CSMD1: variants seen among roughly 807,000 people sequenced by gnomAD.
CSMD1 encodes CUB and sushi domain-containing protein 1.
In CSMD1, 213 loss-of-function variants were observed where a neutral mutation model predicts 417.5. The observed-to-expected ratio is 0.51, with a 90% CI of 0.46 to 0.57. CSMD1 has a LOEUF of 0.57. CSMD1 is among the 20% of genes least tolerant of loss of function. The probability of loss-of-function intolerance (pLI) is 0.00; values close to 1 mark genes in which losing one functional copy is unlikely to be tolerated. For missense variants in CSMD1, 6,923 were observed against 4,529.7 expected, an observed-to-expected ratio of 1.53 and a Z score of -15.17; for synonymous variants, 2,862 against 1,736.8, an observed-to-expected ratio of 1.65 and a Z score of -16.11.
At chr8:4,216,999 T>A (rs1440158605) in intron 3 of CSMD1, among the ~76,000 whole-genome samples, 3 of 152,186 alleles carry the variant, frequency 2.0e-5, no homozygotes, top group Non-Finnish European at 4.4e-5. Context: ...CTTCTCTAAC[T>A]AGAATTGTCT....
chr8:3,628,057 A>G (rs899672663), intron 7 of CSMD1, among the ~76,000 whole-genome samples: 3 of 152,254 alleles, frequency 2.0e-5, no homozygotes, highest in Admixed American at 1.3e-4. Flanking sequence ...ATTAAAAAAC[A>G]GAACGTGGTG....
chr8:3,820,882 A>G (rs765404397), intron 5 of CSMD1, among the ~76,000 whole-genome samples: 3 of 151,760 alleles, frequency 2.0e-5, no homozygotes, highest in Non-Finnish European at 4.4e-5. Flanking sequence ...CTTCTTCGGA[A>G]TACCTCCTTA....
Position 2,999,972 on chromosome 8 carries a change from G to C in CSMD1, c.8189C>G (p.Thr2730Arg). 1.2e-6 allele frequency: 2 copies of C among 1,608,986 alleles called. No individual in the cohort carries two copies. The highest frequency in any genetic ancestry group is 8.5e-7 in the Non-Finnish European group (1 of 1,178,410). The change falls in exon 53 of 70, where the codon ACG becomes AGG. Residue 2730 changes from threonine to arginine, a missense_variant. Transcript: ENST00000635120. The part of the protein sequence containing the change: ...CLQDHKWSGQ[T>R]PVCVPITCGH... ...AGTGCACTTACGGACACAGACAGGC[G>C]TTTGTCCAGACCACTTGTGGTCTTG...
intron 3 of CSMD1, among the ~76,000 whole-genome samples, chr8:4,176,343 A>T (rs955684184): frequency 6.6e-6 from 1 of 152,112 alleles, no homozygotes; most frequent in Non-Finnish European, 1.5e-5. Context: ...TTTTAAATTG[A>T]AAATAAATTA....
intron 5 of CSMD1, among the ~76,000 whole-genome samples, chr8:3,812,144 A>G (rs1358753092): frequency 6.6e-6 from 1 of 152,248 alleles, no homozygotes; most frequent in Non-Finnish European, 1.5e-5. Context: ...ATTCATATTC[A>G]CATGACAATT....
intron 1 of CSMD1, among the ~76,000 whole-genome samples, chr8:4,803,182 A>G (rs926271020): frequency 2.6e-4 from 39 of 152,194 alleles, no homozygotes; most frequent in African/African-American, 8.9e-4. Context: ...ATATTCTTTA[A>G]GTTGATCCTG....
intron 3 of CSMD1, among the ~76,000 whole-genome samples, chr8:4,394,145 G>C (rs1485110406): frequency 6.6e-6 from 1 of 152,132 alleles, no homozygotes; most frequent in Non-Finnish European, 1.5e-5. Context: ...ATTATTGAGA[G>C]CTTATTCATT....
At chr8:2,957,539 G>A (rs1803104845) in intron 63 of CSMD1, among the ~76,000 whole-genome samples, 157 bp downstream of exon 63, 1 of 152,144 alleles carries the variant, frequency 6.6e-6, no homozygotes, top group African/African-American at 2.4e-5. Flanking sequence ...CAATGGTTAT[G>A]CTGCCAGTTC....
At chr8:4,806,554 C>A (rs1422914999) in intron 1 of CSMD1, among the ~76,000 whole-genome samples, 1 of 152,196 alleles carries the variant, frequency 6.6e-6, no homozygotes, top group Non-Finnish European at 1.5e-5. Context: ...AGCATATTAA[C>A]AAAGAGAGAA....
chr8:3,464,902 C>G (rs1816711929), intron 12 of CSMD1, among the ~76,000 whole-genome samples: 1 of 152,096 alleles, frequency 6.6e-6, no homozygotes, highest in Non-Finnish European at 1.5e-5. Flanking sequence ...CAAGAGCTCT[C>G]TTTGTTTTTT....
rs992629071 is a variant in CSMD1 at position 4,803,379 on chromosome 8, T to C, written c.86-165821A>G. ...TTCAGTTACTATTAACTACCAGTGA[T>C]GTACTCAACATAGTTATTAGATACC... is the stretch of plus-strand genomic sequence containing the variant. On this transcript the variant is annotated intron_variant, in intron 1 of 69. Transcript: ENST00000635120. Among the ~76,000 whole-genome samples the C allele has an allele frequency of 2.6e-5, 4 of 152,326 alleles. No individual in the cohort carries two copies. In the South Asian group the frequency reaches 6.2e-4, roughly 24 times the overall value.
intron 17 of CSMD1, among the ~76,000 whole-genome samples, chr8:3,395,639 A>G (rs1281145768): frequency 6.6e-6 from 1 of 152,228 alleles, no homozygotes; most frequent in Admixed American, 6.5e-5. Flanking sequence ...TAATTGTTTT[A>G]AAGTATTATT....
intron 3 of CSMD1, among the ~76,000 whole-genome samples, chr8:4,032,919 T>C (rs1433651953): frequency 6.6e-6 from 1 of 152,098 alleles, no homozygotes; most frequent in African/African-American, 2.4e-5. Flanking sequence ...CTCATTATAC[T>C]CTCTTCCCTG....
intron 2 of CSMD1, among the ~76,000 whole-genome samples, chr8:4,463,239 A>C (rs1799949099): frequency 6.6e-6 from 1 of 152,200 alleles, no homozygotes; most frequent in East Asian, 1.9e-4. Flanking sequence ...GTACTGAGAT[A>C]CCAGTTCATG....
chr8:3,014,412 G>A (rs1808665234), intron 52 of CSMD1, among the ~76,000 whole-genome samples: 1 of 152,054 alleles, frequency 6.6e-6, no homozygotes, highest in Non-Finnish European at 1.5e-5. Flanking sequence ...TTCTTTTCCT[G>A]CTTTTCCTGT....
intron 7 of CSMD1, among the ~76,000 whole-genome samples, chr8:3,650,109 T>C (rs1797774632): frequency 6.6e-6 from 1 of 152,028 alleles, no homozygotes; most frequent in African/African-American, 2.4e-5. Flanking sequence ...TGAAACCTTG[T>C]CTCTACTAAA....
At chr8:4,006,468 T>G (rs534752160) in intron 4 of CSMD1, among the ~76,000 whole-genome samples, 1 of 152,200 alleles carries the variant, frequency 6.6e-6, no homozygotes, top group East Asian at 1.9e-4. Flanking sequence ...CGCTTGAACT[T>G]GGGAGGCAGA....
At chr8:4,815,202 C>A (rs1261271582) in intron 1 of CSMD1, among the ~76,000 whole-genome samples, 1 of 152,012 alleles carries the variant, frequency 6.6e-6, no homozygotes, top group East Asian at 1.9e-4. Flanking sequence ...CATGTTAGAA[C>A]AAAGTTTTGT....
intron 11 of CSMD1, among the ~76,000 whole-genome samples, chr8:3,480,327 A>G (rs1817668685): frequency 6.6e-6 from 1 of 152,192 alleles, no homozygotes; most frequent in Admixed American, 6.5e-5. Flanking sequence ...GTGCCACTGC[A>G]CTCCAGCCCC....
Sources: gnomAD v4.1 joint callset for allele counts (sites outside exome capture counted in the v4.1 genomes callset) on GRCh38, gnomAD v4.1.1 for gene constraint, MANE v1.5 for transcripts, NCBI Gene and HGNC (gene_info 2026-07-23, HGNC 2026-07-21) for gene names.